ZBTB44: variants seen among roughly 807,000 people sequenced by gnomAD.
ZBTB44 encodes the protein zinc finger and BTB domain containing 44.
Under a neutral mutation model 54.0 loss-of-function variants are expected in ZBTB44, and 15 were observed. The observed-to-expected ratio is 0.28, with a 90% CI of 0.19 to 0.43. The LOEUF (loss-of-function observed/expected upper bound fraction) is 0.43, where lower values mean the gene tolerates loss of function less well. ZBTB44 is among the 20% of genes least tolerant of loss of function. The pLI is 1.00. For missense variants in ZBTB44, 487 were observed against 707.1 expected (o/e 0.69, Z 3.53); for synonymous variants, 230 against 250.1 (o/e 0.92, Z 0.76).
At chr11:130,279,277 G>A (rs1459306617) in intron 1 of ZBTB44, among the ~76,000 whole-genome samples, 1 of 135,570 alleles carries the variant, frequency 7.4e-6, no homozygotes, top group Non-Finnish European at 1.5e-5. Flanking sequence ...ACACCAAGGT[G>A]TTAAACTCCA....
rs768607379 is a variant in ZBTB44, at chr11:130,261,119, C to T, written c.755G>A (p.Arg252Gln). 10 of 1,613,922 alleles carry T rather than the reference C, an allele frequency of 6.2e-6. No individual in the cohort carries two copies. The highest frequency in any genetic ancestry group is 1.6e-4 in the Middle Eastern group (1 of 6,062). Residue 252 changes from arginine to glutamine, a missense_variant, in exon 2 of 8, where the codon CGG (arginine) becomes CAG (glutamine). Physicochemically the swap from Arg to Gln is conservative, Grantham distance 43. Transcript: ENST00000357899. The surrounding 1 kb of genome is among the most constrained non-coding windows in gnomAD (Gnocchi z 4.8). ...AGATGGGCCAGGTAATTCTAAAGTCCGGGTATTTTCTGCTTGCTTAACTTT... is the reference window on the plus strand; with the variant it reads ...AGATGGGCCAGGTAATTCTAAAGTCTGGGTATTTTCTGCTTGCTTAACTTT... ...PEKVKQAENT[R>Q]TLELPGPSET...
intron 2 of ZBTB44, 31 bp from the exon 3 acceptor site, chr11:130,239,927 T>A (rs913001672): frequency 3.2e-6 from 5 of 1,546,148 alleles, no homozygotes; most frequent in African/African-American, 1.4e-5. Flanking sequence ...ACCACTGTAA[T>A]CCTTTGGTGT....
chr11:130,307,044 CA>C (rs112310112), intron 1 of ZBTB44, among the ~76,000 whole-genome samples: 6,461 of 71,856 alleles, frequency 0.09, 341 homozygotes, highest in African/African-American at 0.22. Context: ...TATCAACATT[CA>C]AAAAAAAAAA....
intron 2 of ZBTB44, among the ~76,000 whole-genome samples, chr11:130,243,921 T>A (rs1262360256): frequency 6.6e-6 from 1 of 152,140 alleles, no homozygotes; most frequent in Non-Finnish European, 1.5e-5. Flanking sequence ...TTAGTTCTAA[T>A]GTAAACCTGC....
intron 7 of ZBTB44, chr11:130,233,006 A>T (rs567263276): frequency 1.7e-5 from 4 of 240,886 alleles, no homozygotes; most frequent in East Asian, 8.7e-5. Flanking sequence ...CCATTCTTTT[A>T]AAAAAAAAGA....
chr11:130,249,026 C>G (rs1011998506), intron 2 of ZBTB44, among the ~76,000 whole-genome samples: 4 of 152,146 alleles, frequency 2.6e-5, no homozygotes, highest in African/African-American at 9.7e-5. Flanking sequence ...ATTGCTTGAA[C>G]CCAGGAGGCA....
intron 2 of ZBTB44, among the ~76,000 whole-genome samples, chr11:130,249,066 T>C (rs1937766494): frequency 6.6e-6 from 1 of 152,212 alleles, no homozygotes; most frequent in African/African-American, 2.4e-5. Flanking sequence ...ATCATGCTAC[T>C]GCATTCCAGC....
intron 1 of ZBTB44, among the ~76,000 whole-genome samples, chr11:130,313,964 A>AT (rs1234089945): frequency 5.8e-4 from 57 of 99,042 alleles, no homozygotes; most frequent in African/African-American, 1.8e-3. Flanking sequence ...ATATATATAT[A>AT]TATTTTTTTA....
At chr11:130,236,017 AAGGATTCC>A in intron 5 of ZBTB44, 1 of 973,168 alleles carries the variant, frequency 1.0e-6, no homozygotes, top group Non-Finnish European at 1.3e-6. Flanking sequence ...ATGAGAAACT[AAGGATTCC>A]TACAGAAGTA....
At position 130,230,607 on chromosome 11, in the gene ZBTB44, C is replaced by T. The variant is rs531716410; in HGVS notation, c.*1157G>A. On this transcript the variant is annotated 3_prime_UTR_variant, in exon 8 of 8. Coordinates refer to ENST00000357899, the MANE Select transcript of ZBTB44 (RefSeq NM_001301098.2). ...AAAAAACTGGCAATGTAACTAAATG[C>T]GTAACTAATTACTTGAAATAAAAAG... 1.3e-5 allele frequency: 2 copies of T among 149,848 alleles called. No homozygotes were observed. Among genetic ancestry groups the T allele is most frequent in the South Asian group, 4.2e-4 (2 of 4,760 alleles). 9.3% of individuals were successfully genotyped at this position (149,848 alleles called of 1,614,324 possible).
chr11:130,308,531 C>T (rs1942402915), intron 1 of ZBTB44, among the ~76,000 whole-genome samples: 1 of 152,252 alleles, frequency 6.6e-6, no homozygotes, highest in East Asian at 1.9e-4. Context: ...GTAGCAATGT[C>T]AAAGTGTTAA....
chr11:130,307,162 C>T (rs987966417), intron 1 of ZBTB44, among the ~76,000 whole-genome samples: 6 of 151,714 alleles, frequency 4.0e-5, no homozygotes, highest in South Asian at 4.2e-4. Context: ...TGGTGGCTAA[C>T]GCTTGTAATC....
intron 1 of ZBTB44, among the ~76,000 whole-genome samples, chr11:130,287,846 A>G (rs1386011296): frequency 6.6e-6 from 1 of 152,074 alleles, no homozygotes; most frequent in African/African-American, 2.4e-5. Context: ...TACATGAACT[A>G]TATCTAAAAA....
intron 2 of ZBTB44, among the ~76,000 whole-genome samples, chr11:130,241,983 T>C (rs988475437): frequency 6.6e-6 from 1 of 152,248 alleles, no homozygotes; most frequent in African/African-American, 2.4e-5. Flanking sequence ...AATGCCAATC[T>C]TTAGTTACTG....
Position 130,295,806 on chromosome 11 carries a change from A to T in ZBTB44, c.-57+18569T>A, listed in dbSNP as rs554520516. On this transcript the variant is annotated intron_variant, in intron 1 of 7. Transcript: ENST00000357899. ...AATTCATGCCCAGGAATGCATGCGG[A>T]GTCCTTGTTCTCTCACCTACTAGAG... The T allele has an allele frequency of 9.6e-5, 134 of 1,396,450 alleles. 1 individual carries two copies. The African/African-American group carries it at 1.7e-3, about 18-fold the overall frequency. The allele number at this position is 1,396,450 out of a possible 1,614,324, so 86.5% of individuals were successfully genotyped here.
At chr11:130,250,088 C>T (rs900109254) in intron 2 of ZBTB44, among the ~76,000 whole-genome samples, 2 of 152,176 alleles carry the variant, frequency 1.3e-5, no homozygotes, top group Non-Finnish European at 2.9e-5. Flanking sequence ...GGGGGAGGGA[C>T]ATCCGCCATT....
At chr11:130,304,352 C>T (rs185835545) in intron 1 of ZBTB44, among the ~76,000 whole-genome samples, 2 of 152,260 alleles carry the variant, frequency 1.3e-5, no homozygotes, top group Non-Finnish European at 2.9e-5. Context: ...CAGGAAACCA[C>T]AGGCGGAAAT....
intron 2 of ZBTB44, among the ~76,000 whole-genome samples, chr11:130,240,756 T>A (rs530693977): frequency 6.6e-6 from 1 of 152,300 alleles, no homozygotes; most frequent in East Asian, 1.9e-4. Context: ...CTTTTAAAAG[T>A]AATTTTATCT....
rs371635143 is a variant in ZBTB44, at chr11:130,230,749, C to T, written c.*1015G>A. On this transcript the variant is annotated 3_prime_UTR_variant, in exon 8 of 8. Transcript: ENST00000357899. ...CCAAAAAATAAAGACCAATATTAAT[C>T]TCTTTATTTCTGAATGAGATGAAAT... 28 of 152,120 alleles carry T rather than the reference C, an allele frequency of 1.8e-4. No homozygotes were observed. The East Asian group carries it at 5.4e-3, about 29-fold the overall frequency. The allele number at this position is 152,120 out of a possible 1,614,324, so 9.4% of individuals were successfully genotyped here.
Sources: gnomAD v4.1 joint callset for allele counts (sites outside exome capture counted in the v4.1 genomes callset) on GRCh38, gnomAD v4.1.1 for gene constraint, Gnocchi (gnomAD v3.1) non-coding constraint, MANE v1.5 for transcripts, NCBI Gene and HGNC (gene_info 2026-07-23, HGNC 2026-07-21) for gene names.